UTRN: variants seen among roughly 807,000 people sequenced by gnomAD.
UTRN encodes dystrophin-related protein 1.
In UTRN, 283 loss-of-function variants were observed where a neutral mutation model predicts 463.9. The observed-to-expected ratio is 0.61, with a 90% CI of 0.55 to 0.67. UTRN has a LOEUF of 0.67. Among genes scored for constraint, UTRN ranks in the 30% least tolerant of loss-of-function variants. The probability of loss-of-function intolerance (pLI) is 0.00; values close to 1 mark genes in which losing one functional copy is unlikely to be tolerated. For missense variants in UTRN, 3,922 were observed against 4,084.3 expected (o/e 0.96, Z 1.08); for synonymous variants, 1,442 against 1,431.5 (o/e 1.01, Z -0.17).
intron 2 of UTRN, among the ~76,000 whole-genome samples, chr6:144,389,823 T>G (rs1195496109): frequency 1.3e-5 from 2 of 152,214 alleles, no homozygotes; most frequent in Non-Finnish European, 2.9e-5. Flanking sequence ...GGTCTTGAAC[T>G]CCTGACCTCA....
At chr6:144,765,882 AG>A (rs1416527924) in intron 58 of UTRN, among the ~76,000 whole-genome samples, 2 of 150,976 alleles carry the variant, frequency 1.3e-5, no homozygotes, top group Non-Finnish European at 3.0e-5. Context: ...AATTTTGGAC[AG>A]AATTTTTTTT....
intron 40 of UTRN, 22 bp downstream of exon 40, chr6:144,522,193 TTGAA>T (rs779415351): frequency 5.5e-6 from 8 of 1,456,380 alleles, no homozygotes; most frequent in Non-Finnish European, 7.3e-6. Context: ...GGCACTGTGT[TTGAA>T]TGGCCACAGT....
rs1233811039 is a variant in UTRN, at chr6:144,684,177, G to A, written c.7652+5599G>A. Among the ~76,000 whole-genome samples the A allele has an allele frequency of 5.3e-5, 8 of 151,526 alleles. 1 individual carries two copies. Among genetic ancestry groups the A allele is most frequent in the African/African-American group, 1.7e-4 (7 of 41,288 alleles). ...TGATTCTCCTGCCTCAGCCTCCCAA[G>A]TAGCTGGGATTACAGGTGGCTGCCA... On this transcript the variant is annotated intron_variant, in intron 52 of 74. Coordinates refer to ENST00000367545, the MANE Select transcript of UTRN (RefSeq NM_007124.3).
chr6:144,495,951 G>A (rs559442955), intron 33 of UTRN, among the ~76,000 whole-genome samples: 5 of 152,274 alleles, frequency 3.3e-5, no homozygotes, highest in African/African-American at 1.2e-4. Flanking sequence ...AAATTGAACA[G>A]TCTACCGAGA....
At chr6:144,379,313 G>A (rs1179190292) in intron 2 of UTRN, among the ~76,000 whole-genome samples, 1 of 152,222 alleles carries the variant, frequency 6.6e-6, no homozygotes, top group Non-Finnish European at 1.5e-5. Context: ...TTAGCTAGGT[G>A]ATTCCAGTCC....
At chr6:144,505,133 C>T (rs1794587300) in intron 34 of UTRN, among the ~76,000 whole-genome samples, 1 of 151,878 alleles carries the variant, frequency 6.6e-6, no homozygotes, top group South Asian at 2.1e-4. Context: ...TTGTGTGTGA[C>T]TATTTGATTC....
At chr6:144,664,388 T>C (rs1485528183) in intron 51 of UTRN, among the ~76,000 whole-genome samples, 2 of 152,186 alleles carry the variant, frequency 1.3e-5, no homozygotes, top group African/African-American at 4.8e-5. Context: ...GATTACACGA[T>C]CTGATTTGTT....
chr6:144,819,880 T>G (rs987164221), intron 65 of UTRN, among the ~76,000 whole-genome samples: 17 of 78,926 alleles, frequency 2.2e-4, no homozygotes, highest in South Asian at 1.1e-3. Flanking sequence ...CTCCGCCGCC[T>G]CCTCCTCCTC....
intron 46 of UTRN, among the ~76,000 whole-genome samples, chr6:144,546,136 G>T (rs1051511457): frequency 2.0e-5 from 3 of 152,184 alleles, no homozygotes; most frequent in Non-Finnish European, 4.4e-5. Flanking sequence ...TGGGGCAGAA[G>T]GATGTGTGAG....
chr6:144,810,147 T>A (rs1778485210), intron 65 of UTRN, among the ~76,000 whole-genome samples: 1 of 152,180 alleles, frequency 6.6e-6, no homozygotes, highest in South Asian at 2.1e-4. Flanking sequence ...GATAAGGATG[T>A]TTCTTCCCTC....
chr6:144,289,456 TTTTTATTTTA>T (rs545324438), intron 1 of UTRN, among the ~76,000 whole-genome samples: 1 of 152,100 alleles, frequency 6.6e-6, no homozygotes, highest in Non-Finnish European at 1.5e-5. Context: ...CCAGATGTCC[TTTTTATTTTA>T]TTTTATTTTA....
At chr6:144,412,817 TTAAC>T (rs1311699087) in intron 3 of UTRN, among the ~76,000 whole-genome samples, 19 of 150,626 alleles carry the variant, frequency 1.3e-4, no homozygotes, top group East Asian at 3.9e-4. Flanking sequence ...GGTAATTGAA[TTAAC>T]TAGAGTGTCT....
At chr6:144,534,690 T>A (rs1797373541) in intron 43 of UTRN, among the ~76,000 whole-genome samples, 1 of 152,080 alleles carries the variant, frequency 6.6e-6, no homozygotes. Context: ...TGTTTAGCAC[T>A]GAAGATACAA....
chr6:144,505,841 T>A (rs1388668728), intron 34 of UTRN, among the ~76,000 whole-genome samples: 4 of 152,202 alleles, frequency 2.6e-5, no homozygotes. Flanking sequence ...CTGTCTAATA[T>A]TGCCAGTTGG....
intron 52 of UTRN, among the ~76,000 whole-genome samples, chr6:144,699,831 A>G (rs1046595591): frequency 4.7e-5 from 7 of 149,052 alleles, no homozygotes; most frequent in Non-Finnish European, 8.9e-5. Flanking sequence ...AAATGGATAT[A>G]TGTGTGTATA....
At position 144,765,737 on chromosome 6, in the gene UTRN, C is replaced by T. The variant is rs118120383; in HGVS notation, c.8496-6170C>T. ...AAATGCATTTTATAGTCAAATCCTA[C>T]GGAATTATTCATTATTTACAATGTT... On this transcript the variant is annotated intron_variant, in intron 58 of 74. Transcript: ENST00000367545. 1.5e-3 allele frequency among the ~76,000 whole-genome samples: 235 copies of T among 151,674 alleles called. 2 individuals carry two copies. In the East Asian group the frequency reaches 0.037, roughly 24 times the overall value.
chr6:144,673,192 T>G (rs555111098), intron 51 of UTRN, among the ~76,000 whole-genome samples: 2 of 152,242 alleles, frequency 1.3e-5, no homozygotes, highest in African/African-American at 4.8e-5. Context: ...TTAAGCCCAT[T>G]TGTTCTAGGG....
chr6:144,416,862 G>A (rs1784404494), intron 3 of UTRN, among the ~76,000 whole-genome samples: 1 of 152,188 alleles, frequency 6.6e-6, no homozygotes, highest in Admixed American at 6.5e-5. Flanking sequence ...TTTCTGCAGG[G>A]CCAAGCACAA....
chr6:144,426,210 T>C, intron 6 of UTRN, 77 bp from the exon 7 acceptor site: 2 of 1,512,504 alleles, frequency 1.3e-6, no homozygotes, highest in Non-Finnish European at 1.8e-6. Context: ...TATTGCTTTT[T>C]CAAGGACTTC....
Sources: allele counts gnomAD v4.1 joint callset (sites outside exome capture counted in the v4.1 genomes callset), GRCh38; gene constraint gnomAD v4.1.1; transcripts MANE v1.5; gene names NCBI Gene and HGNC (gene_info 2026-07-23, HGNC 2026-07-21).